The following CTH variants were observed in gnomAD, a reference collection of about 807,000 sequenced individuals.
The protein encoded by CTH is cystathionine gamma-lyase.
Under a neutral mutation model 50.6 loss-of-function variants are expected in CTH, and 41 were observed. That is an observed-to-expected ratio of 0.81 (90% CI 0.63 to 1.05). CTH has a LOEUF of 1.05. Among genes scored for constraint, CTH ranks in the 50% least tolerant of loss-of-function variants. The probability of loss-of-function intolerance (pLI) is 0.00; values close to 1 mark genes in which losing one functional copy is unlikely to be tolerated. For missense variants in CTH, 470 were observed against 492.6 expected (o/e 0.95, Z 0.43); for synonymous variants, 156 against 168.9 (o/e 0.92, Z 0.59).
At chr1:70,417,797 T>A (rs535085466) in intron 2 of CTH, 140 bp from the exon 3 acceptor site, 4 of 729,968 alleles carry the variant, frequency 5.5e-6, no homozygotes, top group Non-Finnish European at 2.3e-6. Flanking sequence ...GATTTTGTAA[T>A]GGTATTAATC....
chr1:70,435,201 A>G (rs373457386), intron 10 of CTH, 24 bp downstream of exon 10: 1 of 1,604,578 alleles, frequency 6.2e-7, no homozygotes, highest in South Asian at 1.1e-5. Flanking sequence ...TGTTTTTCTC[A>G]GTATTTTAAA....
Position 70,424,410 on chromosome 1 carries a change from T to G in CTH, c.582T>G (p.Tyr194Ter), listed in dbSNP as rs1205751118. 1 of 1,614,064 alleles carries G rather than the reference T, an allele frequency of 6.2e-7. No homozygotes were observed. Among genetic ancestry groups the G allele is most frequent in the Non-Finnish European group, 8.5e-7 (1 of 1,179,936 alleles). The change falls in exon 5 of 12, where the codon TAT becomes TAG. Residue 194 changes from tyrosine (Y) to a stop codon, truncating the protein, a stop_gained. Transcript: ENST00000370938. LOFTEE classifies it high-confidence loss of function. ...LVVDNTFMSP[Y>*]FQRPLALGAD... ...TGGATAACACTTTTATGTCACCATA[T>G]TTCCAGGTAAATGAAAATAATTTTT...
rs186217898 is a variant in CTH, at chr1:70,418,039, G to A, written c.346+7G>A. On this transcript the variant is annotated splice_region_variant and intron_variant, in intron 3 of 11. Transcript: ENST00000370938. ...ATGGATGATGTGTATGGAGGTAGGT[G>A]ACCCCTCTCATTTATATTCTGTAAA... 4.8e-4 allele frequency: 779 copies of A among 1,613,726 alleles called. 3 individuals carry two copies. In the African/African-American group the frequency reaches 8.8e-3, roughly 18 times the overall value.
At chr1:70,423,397 A>G (rs1392046561) in intron 4 of CTH, among the ~76,000 whole-genome samples, 1 of 143,388 alleles carries the variant, frequency 7.0e-6, no homozygotes, top group African/African-American at 2.5e-5. Flanking sequence ...CTTTCTCTGC[A>G]AAAAAAAAAA....
At chr1:70,425,651 A>G (rs2101744323) in intron 5 of CTH, among the ~76,000 whole-genome samples, 1 of 152,304 alleles carries the variant, frequency 6.6e-6, no homozygotes, top group East Asian at 1.9e-4. Context: ...GCCTCAGAAA[A>G]CTTACAATAA....
chr1:70,420,171 T>C (rs1185311590), intron 3 of CTH, among the ~76,000 whole-genome samples: 2 of 152,252 alleles, frequency 1.3e-5, no homozygotes, highest in East Asian at 3.9e-4. Context: ...TTTGTGTTTT[T>C]AGTAGAGCCA....
At chr1:70,437,439 A>G (rs1233661205) in intron 10 of CTH, among the ~76,000 whole-genome samples, 1 of 152,150 alleles carries the variant, frequency 6.6e-6, no homozygotes, top group African/African-American at 2.4e-5. Context: ...CACACAAACC[A>G]CCTAGTAGAG....
chr1:70,413,356 C>G (rs552811209), intron 1 of CTH, among the ~76,000 whole-genome samples: 1 of 150,742 alleles, frequency 6.6e-6, no homozygotes, highest in East Asian at 2.0e-4. Flanking sequence ...CTCCGCCTCC[C>G]GGGTTCAAGC....
At chr1:70,411,632 T>TA in intron 1 of CTH, 49 bp downstream of exon 1, 1 of 1,585,404 alleles carries the variant, frequency 6.3e-7, no homozygotes, top group South Asian at 1.1e-5. Context: ...GTAAAAGAGA[T>TA]ACGGCTTATG....
chr1:70,432,188 C>T lies in CTH; in HGVS notation c.830C>T (p.Ala277Val). The T allele has an allele frequency of 1.2e-6, 2 of 1,614,170 alleles. No homozygotes were observed. The highest frequency in any genetic ancestry group is 1.7e-6 in the Non-Finnish European group (2 of 1,180,022). ...EKHFKNGMAV[A>V]QFLESNPWVE... The stretch of plus-strand genomic sequence containing the variant: ...CATTTCAAAAACGGAATGGCAGTTG[C>T]CCAGTTCCTGGAATCTAATCCTTGG... The change falls in exon 8 of 12, where the codon GCC becomes GTC. Residue 277 changes from alanine (A) to valine (V), a missense_variant. Ala to Val is a moderately conservative substitution (Grantham distance 64). Transcript: ENST00000370938.
intron 1 of CTH, 168 bp downstream of exon 1, chr1:70,411,751 C>G (rs1423676822): frequency 1.5e-5 from 13 of 884,134 alleles, no homozygotes; most frequent in Non-Finnish European, 1.8e-5. Flanking sequence ...ATCGGATGGT[C>G]CAGTGATCGT....
At chr1:70,437,017 C>T (rs1215160195) in intron 10 of CTH, among the ~76,000 whole-genome samples, 1 of 152,198 alleles carries the variant, frequency 6.6e-6, no homozygotes, top group East Asian at 1.9e-4. Context: ...TGTCTCCCAA[C>T]TCTGCTGCTA....
intron 10 of CTH, among the ~76,000 whole-genome samples, chr1:70,436,621 G>T (rs1349621990): frequency 1.3e-5 from 2 of 151,346 alleles, no homozygotes; most frequent in African/African-American, 4.9e-5. Flanking sequence ...TTCTGTCTTT[G>T]TATAGGAGTT....
intron 1 of CTH, among the ~76,000 whole-genome samples, chr1:70,415,130 A>G (rs1378862285): frequency 6.6e-6 from 1 of 152,170 alleles, no homozygotes; most frequent in Non-Finnish European, 1.5e-5. Context: ...AGCCTGACAG[A>G]TGGCTCACTC....
At chr1:70,427,932 C>T (rs1421053747) in intron 5 of CTH, among the ~76,000 whole-genome samples, 41 of 152,146 alleles carry the variant, frequency 2.7e-4, no homozygotes, top group Non-Finnish European at 5.4e-4. Flanking sequence ...AGGCTGGTCT[C>T]AAACTCCTGA....
chr1:70,426,446 C>T (rs778972682), intron 5 of CTH, among the ~76,000 whole-genome samples: 2 of 152,172 alleles, frequency 1.3e-5, no homozygotes, highest in Non-Finnish European at 2.9e-5. Flanking sequence ...GTTTACATTT[C>T]CCCCCTTCTG....
At chr1:70,421,530 G>T (rs758744333) in intron 3 of CTH, 36 bp from the exon 4 acceptor site, 3 of 1,597,788 alleles carry the variant, frequency 1.9e-6, no homozygotes. Context: ...TTAATGCAAT[G>T]TTCTTTTCAT....
chr1:70,427,610 A>G (rs1684373359), intron 5 of CTH, among the ~76,000 whole-genome samples: 1 of 152,204 alleles, frequency 6.6e-6, no homozygotes, highest in Admixed American at 6.5e-5. Context: ...CACCTATACT[A>G]ATATCTTCCA....
intron 7 of CTH, chr1:70,431,323 T>C (rs931150771): frequency 6.6e-6 from 1 of 150,786 alleles, no homozygotes; most frequent in African/African-American, 2.4e-5. Context: ...GACTTAATGG[T>C]TTTTTTTTCT....
Sources: allele counts gnomAD v4.1 joint callset (sites outside exome capture counted in the v4.1 genomes callset), GRCh38; gene constraint gnomAD v4.1.1; transcripts MANE v1.5; gene names NCBI Gene and HGNC (gene_info 2026-07-23, HGNC 2026-07-21).